Variants in KCTD8 observed in about 807,000 individuals in gnomAD.
The protein encoded by KCTD8 is potassium channel tetramerization domain containing 8, also known as BTB/POZ domain-containing protein KCTD8.
A neutral mutation model predicts 31.5 loss-of-function variants in KCTD8; 27 were observed. That is an observed-to-expected ratio of 0.86 (90% confidence interval 0.63 to 1.18). KCTD8 has a LOEUF of 1.18. Among genes scored for constraint, KCTD8 ranks in the 50% most tolerant of loss-of-function variants. KCTD8 has a pLI of 0.00. For synonymous variants in KCTD8, 290 were observed against 280.0 expected, an observed-to-expected ratio of 1.04 and a Z score of -0.36; for missense variants, 658 against 647.7, an observed-to-expected ratio of 1.02 and a Z score of -0.17.
chr4:44,395,549 A>G (rs527439991), intron 1 of KCTD8, among the ~76,000 whole-genome samples: 1 of 152,172 alleles, frequency 6.6e-6, no homozygotes, highest in East Asian at 1.9e-4. Context: ...GTTCCAAGAA[A>G]TCTTCACCTT....
rs894417193 is a variant in KCTD8 at position 44,188,470 on chromosome 4, C to T, written c.962-13220G>A. 5.9e-5 allele frequency among the ~76,000 whole-genome samples: 9 copies of T among 152,230 alleles called. No individual in the cohort carries two copies. The South Asian group carries it at 8.3e-4, about 14-fold the overall frequency. ...TTCTGTCTAAAAAGGAATAGAAATA[C>T]GGCACCTCCGTCCTAGGGTTACTTT... is the stretch of plus-strand genomic sequence containing the variant. On this transcript the variant is annotated intron_variant, in intron 1 of 1. Transcript: ENST00000360029.
chr4:44,211,901 T>G (rs1432617084), intron 1 of KCTD8, among the ~76,000 whole-genome samples: 3 of 152,066 alleles, frequency 2.0e-5, no homozygotes, highest in Non-Finnish European at 4.4e-5. Flanking sequence ...TATTTTATAG[T>G]TTTATAGTAT....
At chr4:44,374,621 T>C (rs1411949755) in intron 1 of KCTD8, among the ~76,000 whole-genome samples, 1 of 152,164 alleles carries the variant, frequency 6.6e-6, no homozygotes, top group Non-Finnish European at 1.5e-5. Flanking sequence ...TTCTAGCTCT[T>C]GTTGAAAGTC....
At chr4:44,377,558 C>T (rs1187128023) in intron 1 of KCTD8, among the ~76,000 whole-genome samples, 1 of 152,130 alleles carries the variant, frequency 6.6e-6, no homozygotes, top group Non-Finnish European at 1.5e-5. Context: ...CCAGATTTAA[C>T]ATATGCTTGG....
chr4:44,385,164 A>C (rs1239669709), intron 1 of KCTD8, among the ~76,000 whole-genome samples: 1 of 151,710 alleles, frequency 6.6e-6, no homozygotes, highest in African/African-American at 2.4e-5. Context: ...TAGACACTTT[A>C]ATGCAATGAC....
intron 1 of KCTD8, among the ~76,000 whole-genome samples, chr4:44,236,035 C>G (rs975896062): frequency 2.0e-5 from 3 of 152,072 alleles, no homozygotes; most frequent in African/African-American, 7.2e-5. Flanking sequence ...TATCTCCCCA[C>G]CTGGAAGGCA....
chr4:44,174,959 CTGA>C lies in KCTD8; in HGVS notation c.1250_1252del (p.Ile417del). The C allele has an allele frequency of 6.2e-7, 1 of 1,614,080 alleles. No individual in the cohort carries two copies. The highest frequency in any genetic ancestry group is 8.5e-7 in the Non-Finnish European group (1 of 1,179,988). ...GGACAGATTTGTTTCCCGGGACTTGCTGATGAGGGTCTGAAAGAGTTCACTGTT... is the reference window on the plus strand; with the variant it reads ...GGACAGATTTGTTTCCCGGGACTTGCTGAGGGTCTGAAAGAGTTCACTGTT... On this transcript the variant is annotated inframe_deletion, in exon 2 of 2. Transcript: ENST00000360029.
chr4:44,326,338 T>C (rs1718443555), intron 1 of KCTD8, among the ~76,000 whole-genome samples: 1 of 151,892 alleles, frequency 6.6e-6, no homozygotes, highest in African/African-American at 2.4e-5. Context: ...TCTGCATTTT[T>C]TTGCATTAAT....
chr4:44,290,083 A>G (rs1314620037), intron 1 of KCTD8, among the ~76,000 whole-genome samples: 1 of 152,128 alleles, frequency 6.6e-6, no homozygotes, highest in East Asian at 1.9e-4. Context: ...CTCACATGTA[A>G]TGACATGCAC....
At chr4:44,250,771 T>A (rs752107085) in intron 1 of KCTD8, among the ~76,000 whole-genome samples, 3 of 151,820 alleles carry the variant, frequency 2.0e-5, no homozygotes, top group Non-Finnish European at 4.4e-5. Flanking sequence ...TTTGTTCTTA[T>A]TCATTTGCAG....
At chr4:44,315,020 G>A (rs946539795) in intron 1 of KCTD8, among the ~76,000 whole-genome samples, 3 of 151,580 alleles carry the variant, frequency 2.0e-5, no homozygotes, top group Non-Finnish European at 4.4e-5. Context: ...ATCATTATCA[G>A]CTTTAGATCT....
chr4:44,313,637 A>G (rs1438547072), intron 1 of KCTD8, among the ~76,000 whole-genome samples: 1 of 152,198 alleles, frequency 6.6e-6, no homozygotes, highest in Non-Finnish European at 1.5e-5. Context: ...GGAAAATGAC[A>G]TATATCATTC....
rs185425672 is a variant in KCTD8, at chr4:44,348,282, C to T, written c.961+99281G>A. Among the ~76,000 whole-genome samples, 758 of 152,272 alleles carry T rather than the reference C, an allele frequency of 5.0e-3. 18 individuals are homozygous for T. Among genetic ancestry groups the T allele is most frequent in the Admixed American group, 0.041 (625 of 15,278 alleles). ...AACCCAATTTTTCTACTTCCATTTTCGTAACTCAGTTTTAAATAAATGCAA... is the reference window on the plus strand; with the variant it reads ...AACCCAATTTTTCTACTTCCATTTTTGTAACTCAGTTTTAAATAAATGCAA... On this transcript the variant is annotated intron_variant, in intron 1 of 1. Transcript: ENST00000360029.
chr4:44,310,033 G>C (rs1717907531), intron 1 of KCTD8, among the ~76,000 whole-genome samples: 1 of 151,980 alleles, frequency 6.6e-6, no homozygotes, highest in African/African-American at 2.4e-5. Flanking sequence ...AAAAAAGAAA[G>C]AAATGTATAT....
intron 1 of KCTD8, among the ~76,000 whole-genome samples, chr4:44,406,715 A>G (rs2109460599): frequency 6.6e-6 from 1 of 152,338 alleles, no homozygotes; most frequent in Non-Finnish European, 1.5e-5. Context: ...TATAGGAATG[A>G]CAACCTTGAC....
chr4:44,239,092 T>G (rs1015560132), intron 1 of KCTD8, among the ~76,000 whole-genome samples: 7 of 152,176 alleles, frequency 4.6e-5, no homozygotes, highest in Non-Finnish European at 1.0e-4. Context: ...TGATTTAGGG[T>G]AATGATGCCT....
chr4:44,295,209 T>C (rs1246823082), intron 1 of KCTD8, among the ~76,000 whole-genome samples: 5 of 152,132 alleles, frequency 3.3e-5, no homozygotes, highest in Non-Finnish European at 7.4e-5. Flanking sequence ...GGTGGGAGGA[T>C]TGCTTGAGTC....
intron 1 of KCTD8, among the ~76,000 whole-genome samples, chr4:44,255,019 T>C (rs1016239332): frequency 2.0e-5 from 3 of 151,912 alleles, no homozygotes; most frequent in African/African-American, 7.2e-5. Context: ...ATTTTCTTAT[T>C]GAGGATGCAA....
chr4:44,252,305 T>C (rs1402810680), intron 1 of KCTD8, among the ~76,000 whole-genome samples: 1 of 151,810 alleles, frequency 6.6e-6, no homozygotes, highest in Non-Finnish European at 1.5e-5. Context: ...CAATCACAAA[T>C]TGTGCTGCTA....
Sources: gnomAD v4.1 joint callset for allele counts (sites outside exome capture counted in the v4.1 genomes callset) on GRCh38, gnomAD v4.1.1 for gene constraint, MANE v1.5 for transcripts, NCBI Gene and HGNC (gene_info 2026-07-23, HGNC 2026-07-21) for gene names.